FBXO45: variants seen among roughly 807,000 people sequenced by gnomAD.
FBXO45 encodes the protein F-box protein 45.
FBXO45 carries 3 observed loss-of-function variants against 25.5 expected under a neutral mutation model. The ratio of observed to expected loss-of-function variants is 0.12; its 90% confidence interval spans 0.05 to 0.30. FBXO45 has a LOEUF of 0.30. FBXO45 is among the 10% of genes least tolerant of loss of function. The pLI is 1.00. For synonymous variants in FBXO45, 155 were observed against 149.8 expected, an observed-to-expected ratio of 1.03 and a Z score of -0.25; for missense variants, 219 against 365.0, an observed-to-expected ratio of 0.60 and a Z score of 3.26.
Position 196,568,852 on chromosome 3 carries a change from G to A in FBXO45, c.-133G>A. On this transcript the variant is annotated 5_prime_UTR_variant, in exon 1 of 3. Transcript: ENST00000311630. ...CCCCCGGGCAGGGGCGGGAGTGGTG[G>A]AGGCGCCGGCGGTTGGCACTGACAG... 1.6e-6 allele frequency: 1 copy of A among 623,490 alleles called. No homozygotes were observed. The highest frequency in any genetic ancestry group is 6.9e-5 in the South Asian group (1 of 14,470). 38.6% of individuals were successfully genotyped at this position (623,490 alleles called of 1,614,324 possible). A position where few individuals can be genotyped will look rare whatever the true frequency, so the allele number is the denominator to read the frequency against.
At chr3:196,583,184 A>C (rs1736044074) in intron 2 of FBXO45, among the ~76,000 whole-genome samples, 1 of 152,184 alleles carries the variant, frequency 6.6e-6, no homozygotes, top group Admixed American at 6.5e-5. Context: ...GCATATATCA[A>C]AATTTCATTT....
chr3:196,571,697 G>A (rs1467659614), intron 1 of FBXO45, among the ~76,000 whole-genome samples: 1 of 152,138 alleles, frequency 6.6e-6, no homozygotes, highest in African/African-American at 2.4e-5. Context: ...TCAGCTACCC[G>A]GTTCCTCTCC....
intron 2 of FBXO45, among the ~76,000 whole-genome samples, chr3:196,583,734 A>C (rs1736057097): frequency 6.6e-6 from 1 of 152,044 alleles, no homozygotes; most frequent in African/African-American, 2.4e-5. Flanking sequence ...AAACAAAACT[A>C]TCAAAGTAAG....
At position 196,588,186 on chromosome 3, in the gene FBXO45, TC is replaced by T. The variant is rs1363292811; in HGVS notation, c.*3871del. ...ACCTTGTGATCCACCCACCTCAGCCTCCCAAAGTGCTGGGATTACAGGCATG... is the reference window on the plus strand; with the variant it reads ...ACCTTGTGATCCACCCACCTCAGCCTCCAAAGTGCTGGGATTACAGGCATG... On this transcript the variant is annotated 3_prime_UTR_variant, in exon 3 of 3. Coordinates refer to ENST00000311630, the MANE Select transcript of FBXO45 (RefSeq NM_001105573.2). The surrounding 1 kb of genome is among the most constrained non-coding windows in gnomAD (Gnocchi z 4.2). 6.6e-6 allele frequency: 1 copy of T among 152,078 alleles called. No homozygotes were observed. Among genetic ancestry groups the T allele is most frequent in the Non-Finnish European group, 1.5e-5 (1 of 68,076 alleles). 9.4% of individuals were successfully genotyped at this position (152,078 alleles called of 1,614,324 possible). A position where few individuals can be genotyped will look rare whatever the true frequency, so the allele number is the denominator to read the frequency against.
At position 196,584,002 on chromosome 3, in the gene FBXO45, T is replaced by A; in HGVS notation, c.676-131T>A. Reference sequence around the variant, plus strand: ...AGATGTTTCTTCCTGACTAGAAAGCTTCCCTTCTGATTTTTCTAGATAGCT... The same window carrying A: ...AGATGTTTCTTCCTGACTAGAAAGCATCCCTTCTGATTTTTCTAGATAGCT... On this transcript the variant is annotated intron_variant, in intron 2 of 2. Coordinates refer to ENST00000311630, the MANE Select transcript of FBXO45 (RefSeq NM_001105573.2). The surrounding 1 kb of genome is among the most constrained non-coding windows in gnomAD (Gnocchi z 4.3). The A allele has an allele frequency of 2.4e-6, 2 of 848,600 alleles. No homozygotes were observed. The highest frequency in any genetic ancestry group is 3.6e-6 in the Non-Finnish European group (2 of 551,486). The allele number at this position is 848,600 out of a possible 1,614,324, so 52.6% of individuals were successfully genotyped here. A position where few individuals can be genotyped will look rare whatever the true frequency, so the allele number is the denominator to read the frequency against.
In FBXO45 at chr3:196,569,039, G is replaced by C; in HGVS notation, c.55G>C (p.Gly19Arg). 2 of 1,073,002 alleles carry C rather than the reference G, an allele frequency of 1.9e-6. No individual in the cohort carries two copies. The highest frequency in any genetic ancestry group is 2.2e-6 in the Non-Finnish European group (2 of 889,622). The allele number at this position is 1,073,002 out of a possible 1,614,324, so 66.5% of individuals were successfully genotyped here. A position where few individuals can be genotyped will look rare whatever the true frequency, so the allele number is the denominator to read the frequency against. ...GAASGGAGCS[G>R]GGAGAGAGSG... ...AGCCTCGGGCGGCGCTGGCTGTAGC[G>C]GCGGCGGCGCGGGCGCGGGCGCGGG... Residue 19 changes from glycine (G) to arginine (R), a missense_variant, in exon 1 of 3, where the codon GGC becomes CGC. Gly to Arg is a moderately radical substitution (Grantham distance 125). This residue lies in a region of FBXO45 where 138 missense variants were observed against 157.3 expected (regional missense o/e 0.88). Transcript: ENST00000311630. This position sits in a 1 kb window ranked among gnomAD's most constrained non-coding sequence, Gnocchi z 4.1.
At chr3:196,572,843 G>T (rs1382714231) in intron 1 of FBXO45, among the ~76,000 whole-genome samples, 1 of 152,198 alleles carries the variant, frequency 6.6e-6, no homozygotes, top group African/African-American at 2.4e-5. Context: ...ATTGGCAATA[G>T]ATTTGAAATA....
intron 1 of FBXO45, among the ~76,000 whole-genome samples, chr3:196,573,388 T>G (rs1192119524): frequency 6.6e-6 from 1 of 152,200 alleles, no homozygotes; most frequent in Non-Finnish European, 1.5e-5. Context: ...AGTCTATAGT[T>G]TGGGTTTTGT....
In FBXO45 at chr3:196,585,702, G is replaced by A. The variant is rs1408342201; in HGVS notation, c.*1384G>A. The A allele has an allele frequency of 1.3e-5, 2 of 152,148 alleles. No homozygotes were observed. The highest frequency in any genetic ancestry group is 2.9e-5 in the Non-Finnish European group (2 of 68,018). The allele number at this position is 152,148 out of a possible 1,614,324, so 9.4% of individuals were successfully genotyped here. A position where few individuals can be genotyped will look rare whatever the true frequency, so the allele number is the denominator to read the frequency against. On this transcript the variant is annotated 3_prime_UTR_variant, in exon 3 of 3. Transcript: ENST00000311630. The stretch of plus-strand genomic sequence containing the variant: ...ATAATCCAACCCACATGAGCTGAGA[G>A]TTTTTCTTTTGTTAGAAAAGAAACA...
chr3:196,573,731 GT>G (rs112495140), intron 1 of FBXO45, among the ~76,000 whole-genome samples: 18 of 92,368 alleles, frequency 1.9e-4, no homozygotes, highest in Middle Eastern at 6.6e-3. Flanking sequence ...CTGTTCAGTT[GT>G]TTTTTTTTTA....
At chr3:196,572,417 G>T (rs552749784) in intron 1 of FBXO45, among the ~76,000 whole-genome samples, 2 of 152,326 alleles carry the variant, frequency 1.3e-5, no homozygotes, top group African/African-American at 4.8e-5. Context: ...GATTTAACCT[G>T]GTGGAGAGGT....
chr3:196,587,677 A>AT lies in FBXO45; in HGVS notation c.*3360dup, dbSNP rs1736160618. 1 of 152,124 alleles carries AT rather than the reference A, an allele frequency of 6.6e-6. No homozygotes were observed. The highest frequency in any genetic ancestry group is 2.4e-5 in the African/African-American group (1 of 41,408). 9.4% of individuals were successfully genotyped at this position (152,124 alleles called of 1,614,324 possible). A position where few individuals can be genotyped will look rare whatever the true frequency, so the allele number is the denominator to read the frequency against. ...GCTGGGATTACAGGTGTATGCCACT[A>AT]TACCCAGCTTTAACTTTTAAATCCC... is the stretch of plus-strand genomic sequence containing the variant. On this transcript the variant is annotated 3_prime_UTR_variant, in exon 3 of 3. Coordinates refer to ENST00000311630, the MANE Select transcript of FBXO45 (RefSeq NM_001105573.2).
At position 196,569,165 on chromosome 3, in the gene FBXO45, C is replaced by G; in HGVS notation, c.181C>G (p.Leu61Val). 5.8e-6 allele frequency: 9 copies of G among 1,554,090 alleles called. No homozygotes were observed. The highest frequency in any genetic ancestry group is 7.8e-6 in the Non-Finnish European group (9 of 1,148,910). Residue 61 changes from leucine to valine, a missense_variant, in exon 1 of 3, where the codon CTG becomes GTG. Physicochemically the swap from Leu to Val is conservative, Grantham distance 32. Transcript: ENST00000311630. The surrounding 1 kb of genome is among the most constrained non-coding windows in gnomAD (Gnocchi z 4.1). The stretch of plus-strand genomic sequence containing the variant: ...GCTGTCCGAGCTGCGGAGCTGCGCC[C>G]TGGTGTGCAAGCACTGGTACCGCTG... Reference protein sequence around the residue: ...LELSELRSCALVCKHWYRCLH... With the variant: ...LELSELRSCAVVCKHWYRCLH...
At chr3:196,573,899 A>T (rs1366836273) in intron 1 of FBXO45, among the ~76,000 whole-genome samples, 1 of 148,124 alleles carries the variant, frequency 6.8e-6, no homozygotes, top group Admixed American at 6.7e-5. Context: ...ATGTGAGGCT[A>T]TGGGTTGTTT....
chr3:196,574,537 A>C (rs1735880572), intron 1 of FBXO45, among the ~76,000 whole-genome samples: 1 of 152,208 alleles, frequency 6.6e-6, no homozygotes, highest in Non-Finnish European at 1.5e-5. Flanking sequence ...TTGAGGAAAC[A>C]AGGTGGTTTA....
rs1438338684 is a variant in FBXO45 at position 196,586,369 on chromosome 3, C to CA, written c.*2052dup. 6.6e-6 allele frequency: 1 copy of CA among 152,172 alleles called. No individual in the cohort carries two copies. Among genetic ancestry groups the CA allele is most frequent in the African/African-American group, 2.4e-5 (1 of 41,426 alleles). The allele number at this position is 152,172 out of a possible 1,614,324, so 9.4% of individuals were successfully genotyped here. ...GAAGGTGCTGAGTGGAAAACCGAAA[C>CA]ACATGGTTATTGCGTATTGGACCTA... On this transcript the variant is annotated 3_prime_UTR_variant, in exon 3 of 3. Transcript: ENST00000311630.
In FBXO45 at chr3:196,568,912, G is replaced by A. The variant is rs1735707033; in HGVS notation, c.-73G>A. On this transcript the variant is annotated 5_prime_UTR_variant, in exon 1 of 3. Coordinates refer to ENST00000311630, the MANE Select transcript of FBXO45 (RefSeq NM_001105573.2). ...GCGAGCCGCTCCGGTCTCCGGGCGA[G>A]GCTTGGCCTTCCGAGCAGAGACGGC... is the stretch of plus-strand genomic sequence containing the variant. 1.0e-6 allele frequency: 1 copy of A among 974,234 alleles called. No individual in the cohort carries two copies. The highest frequency in any genetic ancestry group is 1.8e-5 in the African/African-American group (1 of 56,916). The allele number at this position is 974,234 out of a possible 1,614,324, so 60.3% of individuals were successfully genotyped here. A position where few individuals can be genotyped will look rare whatever the true frequency, so the allele number is the denominator to read the frequency against.
At chr3:196,578,181 C>T (rs1377495135) in intron 2 of FBXO45, among the ~76,000 whole-genome samples, 2 of 151,228 alleles carry the variant, frequency 1.3e-5, no homozygotes, top group African/African-American at 2.4e-5. Flanking sequence ...GGATTACAGG[C>T]GCCCACCACC....
At chr3:196,572,506 A>G (rs1735845674) in intron 1 of FBXO45, among the ~76,000 whole-genome samples, 1 of 152,202 alleles carries the variant, frequency 6.6e-6, no homozygotes, top group Non-Finnish European at 1.5e-5. Context: ...ACAGCCTTCC[A>G]GGAGGGAACC....
Sources: gnomAD v4.1 joint callset for allele counts (sites outside exome capture counted in the v4.1 genomes callset) on GRCh38, gnomAD v4.1.1 for gene constraint, gnomAD v4.1.1 regional missense constraint, Gnocchi (gnomAD v3.1) non-coding constraint, MANE v1.5 for transcripts, NCBI Gene and HGNC (gene_info 2026-07-23, HGNC 2026-07-21) for gene names.